Variants in CNTNAP3B observed in about 807,000 individuals in gnomAD.
The protein encoded by CNTNAP3B is contactin associated protein family member 3B.
CNTNAP3B carries 25 observed loss-of-function variants against 108.9 expected under a neutral mutation model. The observed-to-expected ratio is 0.23, with a 90% CI of 0.17 to 0.32. The LOEUF is 0.32. CNTNAP3B is among the 10% of genes least tolerant of loss of function. CNTNAP3B has a pLI of 1.00. For synonymous variants in CNTNAP3B, 103 were observed against 473.4 expected (o/e 0.22, Z 10.16); for missense variants, 252 against 1,210.4 (o/e 0.21, Z 11.75).
Position 41,995,706 on chromosome 9 carries a change from G to T in CNTNAP3B, c.1071+499C>A, listed in dbSNP as rs1214911557. 3.4e-4 allele frequency among the ~76,000 whole-genome samples: 41 copies of T among 120,934 alleles called. 2 individuals carry two copies. Among genetic ancestry groups the T allele is most frequent in the African/African-American group, 1.4e-3 (41 of 29,228 alleles). 79.3% of individuals were successfully genotyped at this position (120,934 alleles called of 152,430 possible). A position where few individuals can be genotyped will look rare whatever the true frequency, so the allele number is the denominator to read the frequency against. ...AGATCGTGACACTGCACTCCAGTCT[G>T]GGTGACAGAGTGAGACTCCGTCTCA... On this transcript the variant is annotated intron_variant, in intron 7 of 23. Transcript: ENST00000377561.
Position 42,114,922 on chromosome 9 carries a change from C to A in CNTNAP3B, c.86-10183G>T, listed in dbSNP as rs191878790. 1.9e-4 allele frequency among the ~76,000 whole-genome samples: 25 copies of A among 134,622 alleles called. 6 individuals are homozygous for A. The highest frequency in any genetic ancestry group is 3.0e-4 in the Non-Finnish European group (19 of 63,626). The allele number at this position is 134,622 out of a possible 152,430, so 88.3% of individuals were successfully genotyped here. On this transcript the variant is annotated intron_variant, in intron 1 of 23. Transcript: ENST00000377561. ...TACAAAAATTAGCTGGGCATGGTAG[C>A]GGGAACTTGCAATCCCAGCTACTCG... is the stretch of plus-strand genomic sequence containing the variant.
At chr9:42,125,255 T>C (rs1277267394) in intron 1 of CNTNAP3B, among the ~76,000 whole-genome samples, 1 of 139,066 alleles carries the variant, frequency 7.2e-6, no homozygotes, top group African/African-American at 2.9e-5. Context: ...AGTTGCCTTG[T>C]TTTCTTAGCC....
intron 4 of CNTNAP3B, among the ~76,000 whole-genome samples, chr9:42,001,657 AG>A (rs1333826820): frequency 4.7e-5 from 5 of 106,514 alleles, no homozygotes; most frequent in African/African-American, 1.8e-4. Context: ...CAAAGTTTTC[AG>A]AATAAAAGCC....
chr9:42,112,588 G>A (rs1828215487), intron 1 of CNTNAP3B, among the ~76,000 whole-genome samples: 1 of 138,004 alleles, frequency 7.2e-6, no homozygotes, highest in Admixed American at 7.2e-5. Flanking sequence ...AAGACACATA[G>A]AAACAGGTTT....
chr9:42,074,859 TGTCCTA>T (rs1225906152), intron 3 of CNTNAP3B, among the ~76,000 whole-genome samples: 1 of 140,490 alleles, frequency 7.1e-6, no homozygotes, highest in East Asian at 2.1e-4. Flanking sequence ...CATTTCCTGA[TGTCCTA>T]GTCCTGTTAG....
intron 13 of CNTNAP3B, among the ~76,000 whole-genome samples, chr9:41,945,967 G>A (rs1358834457): frequency 6.6e-6 from 1 of 152,396 alleles, no homozygotes; most frequent in African/African-American, 2.4e-5. Context: ...CAACTGCAGA[G>A]CAAGGAAAAT....
At chr9:42,075,001 T>C (rs996462502) in intron 3 of CNTNAP3B, among the ~76,000 whole-genome samples, 1 of 146,574 alleles carries the variant, frequency 6.8e-6, no homozygotes, top group African/African-American at 2.6e-5. Context: ...CCGTGCTGCC[T>C]CCGGAGGCTC....
chr9:42,096,822 G>T (rs1827911364), intron 2 of CNTNAP3B, among the ~76,000 whole-genome samples: 1 of 122,980 alleles, frequency 8.1e-6, no homozygotes, highest in Admixed American at 8.4e-5. Context: ...AATTGTTAAA[G>T]AAACTTTCCA....
intron 14 of CNTNAP3B, among the ~76,000 whole-genome samples, chr9:41,934,021 C>G (rs1327075332): frequency 6.6e-6 from 1 of 150,902 alleles, no homozygotes; most frequent in East Asian, 1.9e-4. Flanking sequence ...TTCTTACCTG[C>G]TTCACTTACT....
chr9:42,066,514 C>A (rs1246233610), intron 3 of CNTNAP3B, among the ~76,000 whole-genome samples: 1 of 115,742 alleles, frequency 8.6e-6, no homozygotes, highest in African/African-American at 3.5e-5. Context: ...ACAACCTCTG[C>A]CTCCCGGGTT....
chr9:41,967,643 C>A (rs1332660335), intron 10 of CNTNAP3B, among the ~76,000 whole-genome samples: 1 of 152,238 alleles, frequency 6.6e-6, no homozygotes. Context: ...GTTTTCAAAA[C>A]TTTATGTAAA....
intron 1 of CNTNAP3B, among the ~76,000 whole-genome samples, chr9:42,121,330 A>C (rs1828457463): frequency 7.2e-6 from 1 of 139,336 alleles, no homozygotes; most frequent in Admixed American, 7.1e-5. Context: ...TCACTTTCTA[A>C]AAGAGGCTAC....
intron 3 of CNTNAP3B, among the ~76,000 whole-genome samples, chr9:42,064,734 C>T (rs1827237623): frequency 1.5e-5 from 2 of 135,356 alleles, no homozygotes; most frequent in Admixed American, 1.5e-4. Flanking sequence ...TGTTAATTCA[C>T]TTGGGATAAT....
At chr9:41,926,046 A>C (rs1444922866) in intron 15 of CNTNAP3B, among the ~76,000 whole-genome samples, 1 of 152,286 alleles carries the variant, frequency 6.6e-6, no homozygotes, top group Non-Finnish European at 1.5e-5. Context: ...ACACATACAC[A>C]CACGCAGTCT....
intron 13 of CNTNAP3B, among the ~76,000 whole-genome samples, chr9:41,949,926 A>G (rs1276757066): frequency 2.0e-5 from 3 of 152,216 alleles, no homozygotes; most frequent in African/African-American, 4.8e-5. Context: ...TCCAGTTAAG[A>G]GTCGATGAAT....
intron 14 of CNTNAP3B, among the ~76,000 whole-genome samples, chr9:41,934,112 T>TATATACACACAC (rs1374408783): frequency 3.2e-5 from 4 of 126,344 alleles, no homozygotes; most frequent in East Asian, 2.0e-4. Context: ...TATATATATA[T>TATATACACACAC]ATATATATAT....
At position 41,972,741 on chromosome 9, in the gene CNTNAP3B, T is replaced by G. The variant is rs564064931; in HGVS notation, c.1478-2496A>C. Among the ~76,000 whole-genome samples, 22 of 135,150 alleles carry G rather than the reference T, an allele frequency of 1.6e-4. 2 individuals carry two copies. Among genetic ancestry groups the G allele is most frequent in the African/African-American group, 6.5e-4 (22 of 33,922 alleles). 88.7% of individuals were successfully genotyped at this position (135,150 alleles called of 152,430 possible). A position where few individuals can be genotyped will look rare whatever the true frequency, so the allele number is the denominator to read the frequency against. ...AAGTTTAAATGGTACAGCAGAACCT[T>G]CTGAAGAATGGGATAGAGAGTGAAC... On this transcript the variant is annotated intron_variant, in intron 9 of 23. Transcript: ENST00000377561.
intron 3 of CNTNAP3B, among the ~76,000 whole-genome samples, chr9:42,023,978 ATACT>A (rs1306047215): frequency 2.6e-5 from 4 of 151,660 alleles, no homozygotes; most frequent in Non-Finnish European, 4.4e-5. Flanking sequence ...CTGCAGAAAA[ATACT>A]TAGTTGGCAT....
intron 13 of CNTNAP3B, among the ~76,000 whole-genome samples, chr9:41,940,542 G>T (rs1169661935): frequency 6.6e-6 from 1 of 152,284 alleles, no homozygotes; most frequent in Non-Finnish European, 1.5e-5. Flanking sequence ...TTTTTAGGCC[G>T]GGTGCGGTGG....
Sources: gnomAD v4.1 joint callset for allele counts (sites outside exome capture counted in the v4.1 genomes callset) on GRCh38, gnomAD v4.1.1 for gene constraint, MANE v1.5 for transcripts, NCBI Gene and HGNC (gene_info 2026-07-23, HGNC 2026-07-21) for gene names.